FNDC3B: variants seen among roughly 807,000 people sequenced by gnomAD.
FNDC3B encodes the protein fibronectin type III domain containing 3B.
In FNDC3B, 12 loss-of-function variants were observed where a neutral mutation model predicts 151.5. The observed-to-expected ratio is 0.08, with a 90% CI of 0.05 to 0.13. The LOEUF (loss-of-function observed/expected upper bound fraction) is 0.13. Ranked by LOEUF, FNDC3B falls within the 10% of genes least tolerant of loss-of-function variation. The probability of loss-of-function intolerance (pLI) is 1.00; values close to 1 mark genes in which losing one functional copy is unlikely to be tolerated. For missense variants in FNDC3B, 1,214 were observed against 1,505.3 expected, an observed-to-expected ratio of 0.81 and a Z score of 3.20; for synonymous variants, 528 against 549.0, an observed-to-expected ratio of 0.96 and a Z score of 0.54.
intron 3 of FNDC3B, among the ~76,000 whole-genome samples, chr3:172,204,002 G>A (rs553125652): frequency 2.0e-4 from 30 of 152,316 alleles, no homozygotes; most frequent in South Asian, 2.1e-4. Context: ...GGCCGCCAGC[G>A]TCTCGTTCTT....
intron 10 of FNDC3B, among the ~76,000 whole-genome samples, chr3:172,310,063 C>G (rs1246577885): frequency 6.6e-6 from 1 of 152,172 alleles, no homozygotes; most frequent in Non-Finnish European, 1.5e-5. Flanking sequence ...CTTCCCCCAA[C>G]TTGTAGTTCC....
At chr3:172,203,507 C>T (rs1252905723) in intron 3 of FNDC3B, among the ~76,000 whole-genome samples, 1 of 152,230 alleles carries the variant, frequency 6.6e-6, no homozygotes, top group African/African-American at 2.4e-5. Flanking sequence ...TCTTAAGAAA[C>T]TGCATAAGCA....
intron 11 of FNDC3B, among the ~76,000 whole-genome samples, chr3:172,311,449 G>C (rs979935475): frequency 6.6e-6 from 1 of 152,036 alleles, no homozygotes; most frequent in Admixed American, 6.6e-5. Flanking sequence ...ATCTACGGTG[G>C]AGTGTCCTTA....
chr3:172,236,667 C>T (rs1196982170), intron 4 of FNDC3B, among the ~76,000 whole-genome samples: 1 of 152,084 alleles, frequency 6.6e-6, no homozygotes, highest in Non-Finnish European at 1.5e-5. Context: ...GGGAGGGGTT[C>T]CTCTTTGCCC....
At chr3:172,377,547 G>A (rs192414027) in intron 23 of FNDC3B, among the ~76,000 whole-genome samples, 10 of 152,258 alleles carry the variant, frequency 6.6e-5, no homozygotes, top group East Asian at 1.9e-4. Flanking sequence ...TATGCTTAAC[G>A]TTTCATGGAA....
chr3:172,124,007 CG>C (rs993655147), intron 2 of FNDC3B, among the ~76,000 whole-genome samples: 3 of 152,172 alleles, frequency 2.0e-5, no homozygotes, highest in Admixed American at 2.0e-4. Context: ...TTACTTCCCA[CG>C]GTCTCTTGCT....
chr3:172,392,748 T>C (rs1357843284), intron 25 of FNDC3B, among the ~76,000 whole-genome samples: 2 of 152,016 alleles, frequency 1.3e-5, no homozygotes, highest in African/African-American at 4.8e-5. Context: ...GGTAGAATTA[T>C]TTGGATTGAA....
intron 25 of FNDC3B, among the ~76,000 whole-genome samples, chr3:172,381,449 TTTG>T (rs1305405011): frequency 1.3e-5 from 2 of 152,092 alleles, no homozygotes; most frequent in Non-Finnish European, 2.9e-5. Flanking sequence ...AGTCTCTTTT[TTTG>T]TTGTTGTTAG....
intron 3 of FNDC3B, among the ~76,000 whole-genome samples, chr3:172,156,939 CTAA>C (rs1045930755): frequency 6.6e-6 from 1 of 152,018 alleles, no homozygotes; most frequent in Admixed American, 6.6e-5. Flanking sequence ...GGCTATTGTT[CTAA>C]TAACAGTGCT....
chr3:172,282,743 C>T (rs1729804335), intron 6 of FNDC3B, among the ~76,000 whole-genome samples: 1 of 152,222 alleles, frequency 6.6e-6, no homozygotes, highest in Non-Finnish European at 1.5e-5. Flanking sequence ...TGTTTTCTTT[C>T]TCAGTGTCCT....
intron 25 of FNDC3B, among the ~76,000 whole-genome samples, chr3:172,387,408 A>G (rs1735776185): frequency 6.6e-6 from 1 of 152,098 alleles, no homozygotes; most frequent in Non-Finnish European, 1.5e-5. Flanking sequence ...CCTTCATCAT[A>G]TTTTTTTAAT....
chr3:172,165,595 A>G (rs985105859), intron 3 of FNDC3B, among the ~76,000 whole-genome samples: 1 of 152,196 alleles, frequency 6.6e-6, no homozygotes, highest in Admixed American at 6.5e-5. Context: ...GAATTTTCAT[A>G]CTGTAGATTG....
intron 3 of FNDC3B, among the ~76,000 whole-genome samples, chr3:172,177,547 T>C (rs1723659235): frequency 6.6e-6 from 1 of 151,846 alleles, no homozygotes; most frequent in Non-Finnish European, 1.5e-5. Flanking sequence ...CTTGAAAGCT[T>C]ATACTGTATT....
chr3:172,329,022 G>T lies in FNDC3B; in HGVS notation c.1325G>T (p.Cys442Phe). ...SQKHCKLTKL[C>F]PAMGYTFRLA... ...AAGCACTGCAAGTTGACAAAGCTTT[G>T]TCCGGCAATGGGGTACACATTCAGG... The change falls in exon 12 of 26, where the codon TGT becomes TTT. Residue 442 changes from cysteine to phenylalanine, a missense_variant. Coordinates refer to ENST00000415807, the MANE Select transcript of FNDC3B (RefSeq NM_022763.4). The T allele has an allele frequency of 6.2e-7, 1 of 1,613,306 alleles. No individual in the cohort carries two copies. The highest frequency in any genetic ancestry group is 8.5e-7 in the Non-Finnish European group (1 of 1,179,714).
chr3:172,276,473 A>G (rs773809632), intron 6 of FNDC3B, among the ~76,000 whole-genome samples: 7 of 152,224 alleles, frequency 4.6e-5, no homozygotes, highest in Admixed American at 1.3e-4. Flanking sequence ...TAATAAACAT[A>G]GAAGGAATAA....
At chr3:172,046,155 C>T (rs184880627) in intron 1 of FNDC3B, among the ~76,000 whole-genome samples, 114 of 152,218 alleles carry the variant, frequency 7.5e-4, no homozygotes, top group African/African-American at 2.6e-3. Flanking sequence ...CGTGATCAGC[C>T]ATCTACATAC....
intron 25 of FNDC3B, among the ~76,000 whole-genome samples, chr3:172,393,154 C>T (rs1736104055): frequency 6.6e-6 from 1 of 151,986 alleles, no homozygotes; most frequent in South Asian, 2.1e-4. Flanking sequence ...AGTCACCTCA[C>T]TTTTAAGGAC....
chr3:172,373,273 T>C (rs1424207213), intron 23 of FNDC3B, among the ~76,000 whole-genome samples: 2 of 152,206 alleles, frequency 1.3e-5, no homozygotes, highest in Non-Finnish European at 2.9e-5. Context: ...TCCCCAGGGT[T>C]GAAGCAATGC....
At chr3:172,371,340 T>A (rs866513782) in intron 23 of FNDC3B, among the ~76,000 whole-genome samples, 1 of 152,224 alleles carries the variant, frequency 6.6e-6, no homozygotes, top group Non-Finnish European at 1.5e-5. Context: ...GCATCCTTTT[T>A]TTCCCCCATT....
Sources: allele counts gnomAD v4.1 joint callset (sites outside exome capture counted in the v4.1 genomes callset), GRCh38; gene constraint gnomAD v4.1.1; transcripts MANE v1.5; gene names NCBI Gene and HGNC (gene_info 2026-07-23, HGNC 2026-07-21).